The following ITPRID1 variants were observed in gnomAD, a reference collection of about 807,000 sequenced individuals.
ITPRID1 encodes ITPR interacting domain containing 1, also known as protein ITPRID1.
Under a neutral mutation model 95.4 loss-of-function variants are expected in ITPRID1, and 96 were observed. The ratio of observed to expected loss-of-function variants is 1.01; its 90% CI spans 0.85 to 1.19. The LOEUF (loss-of-function observed/expected upper bound fraction) is 1.19. Ranked by LOEUF, ITPRID1 falls within the 50% of genes most tolerant of loss-of-function variation. The pLI is 0.00. For missense variants in ITPRID1, 1,339 were observed against 1,252.9 expected (o/e 1.07, Z -1.04); for synonymous variants, 510 against 453.6 (o/e 1.12, Z -1.58).
intron 1 of ITPRID1, among the ~76,000 whole-genome samples, chr7:31,523,386 G>A (rs1297242139): frequency 1.3e-5 from 2 of 152,228 alleles, no homozygotes; most frequent in Admixed American, 1.3e-4. Context: ...AGACAAGGGT[G>A]TCACGTGAAG....
In ITPRID1 at chr7:31,531,399, G is replaced by A. The variant is rs191693945; in HGVS notation, c.-98+17279G>A. ...ATTCATGAACATGATAGAAGATTAA[G>A]AAATTAAGGAGCATATGAGGAAGTG... On this transcript the variant is annotated intron_variant, in intron 1 of 14. Transcript: ENST00000615280. Among the ~76,000 whole-genome samples the A allele has an allele frequency of 5.0e-3, 759 of 152,276 alleles. 4 individuals are homozygous for A. The highest frequency in any genetic ancestry group is 0.014 in the Middle Eastern group (4 of 292).
intron 10 of ITPRID1, among the ~76,000 whole-genome samples, chr7:31,602,261 A>AG (rs1239006847): frequency 6.6e-6 from 1 of 152,204 alleles, no homozygotes; most frequent in Non-Finnish European, 1.5e-5. Flanking sequence ...CTATACTCCC[A>AG]GGTTGGCAGC....
chr7:31,569,190 G>C (rs762913706), intron 5 of ITPRID1, among the ~76,000 whole-genome samples: 3 of 152,152 alleles, frequency 2.0e-5, no homozygotes, highest in Admixed American at 6.5e-5. Flanking sequence ...TCTGAAAAAT[G>C]AGGATAGGTT....
In ITPRID1 at chr7:31,525,577, G is replaced by C. The variant is rs570966765; in HGVS notation, c.-98+11457G>C. On this transcript the variant is annotated intron_variant, in intron 1 of 14. Coordinates refer to ENST00000615280, the MANE Select transcript of ITPRID1 (RefSeq NM_001257967.3). ...GGGGAACTCCTACACAGTAGAGGCAGCATTTGATTTGGATCTTTACTATAG... is the reference window on the plus strand; with the variant it reads ...GGGGAACTCCTACACAGTAGAGGCACCATTTGATTTGGATCTTTACTATAG... 2.0e-5 allele frequency among the ~76,000 whole-genome samples: 3 copies of C among 152,322 alleles called. No individual in the cohort carries two copies. The South Asian group carries it at 6.2e-4, about 32-fold the overall frequency.
chr7:31,609,345 CTCTTA>C (rs1308793591), intron 10 of ITPRID1, among the ~76,000 whole-genome samples: 9 of 151,580 alleles, frequency 5.9e-5, no homozygotes, highest in African/African-American at 1.7e-4. Context: ...TGTGTCCTCT[CTCTTA>C]TATCTTTTGG....
intron 1 of ITPRID1, among the ~76,000 whole-genome samples, chr7:31,532,001 G>A (rs946254520): frequency 6.6e-6 from 1 of 152,158 alleles, no homozygotes; most frequent in Non-Finnish European, 1.5e-5. Flanking sequence ...GCCTAAAAAT[G>A]GATGTCAGGG....
chr7:31,652,194 T>C (rs1231790974), intron 14 of ITPRID1, 144 bp downstream of exon 14: 1 of 742,288 alleles, frequency 1.3e-6, no homozygotes, highest in Non-Finnish European at 2.2e-6. Context: ...AGAAGTACTT[T>C]GGTTTGCTCA....
chr7:31,577,839 T>C, intron 8 of ITPRID1, 24 bp from the exon 9 acceptor site: 1 of 1,531,962 alleles, frequency 6.5e-7, no homozygotes, highest in Non-Finnish European at 8.8e-7. Context: ...AATCTGAAAC[T>C]TTCGTGTTTC....
intron 10 of ITPRID1, among the ~76,000 whole-genome samples, chr7:31,611,862 T>C (rs1786883090): frequency 1.3e-5 from 2 of 152,008 alleles, no homozygotes; most frequent in African/African-American, 4.8e-5. Context: ...CGGAGTTTGT[T>C]GAGCTTTTTG....
intron 10 of ITPRID1, among the ~76,000 whole-genome samples, chr7:31,620,005 C>T (rs1432108263): frequency 6.6e-6 from 1 of 152,192 alleles, no homozygotes; most frequent in East Asian, 1.9e-4. Context: ...TCGCTGATTG[C>T]TAGCACAGCA....
At chr7:31,553,263 G>T (rs1260208064) in intron 3 of ITPRID1, 76 bp downstream of exon 3, 23 of 1,379,418 alleles carry the variant, frequency 1.7e-5, no homozygotes, top group Non-Finnish European at 1.5e-5. Flanking sequence ...TTGGCCAGGG[G>T]CAGGTGATTT....
At position 31,643,667 on chromosome 7, in the gene ITPRID1, C is replaced by T; in HGVS notation, c.2297C>T (p.Ala766Val). The part of the protein sequence containing the change: ...QLNDASIQTS[A>V]LSNKTLTHGP... ...AATGATGCTTCCATTCAGACTTCAG[C>T]TCTAAGCAACAAGACCTTGACACAT... The change falls in exon 12 of 15, where the codon GCT becomes GTT. Residue 766 changes from alanine (A) to valine (V), a missense_variant. Coordinates refer to ENST00000615280, the MANE Select transcript of ITPRID1 (RefSeq NM_001257967.3). 6.2e-7 allele frequency: 1 copy of T among 1,614,076 alleles called. No individual in the cohort carries two copies. The highest frequency in any genetic ancestry group is 8.5e-7 in the Non-Finnish European group (1 of 1,179,908).
chr7:31,545,749 G>C (rs766729835), intron 1 of ITPRID1, among the ~76,000 whole-genome samples: 3 of 151,998 alleles, frequency 2.0e-5, no homozygotes, highest in African/African-American at 4.8e-5. Context: ...AGCCACCCAC[G>C]GAACAAGTCA....
chr7:31,519,578 A>ATCTCTC lies in ITPRID1; in HGVS notation c.-98+5496_-98+5501dup, dbSNP rs72374972. On this transcript the variant is annotated intron_variant, in intron 1 of 14. Coordinates refer to ENST00000615280, the MANE Select transcript of ITPRID1 (RefSeq NM_001257967.3). ...ATGCATATATGGTTCTATTTCTGGT[A>ATCTCTC]TCTCTCTCTCTCTCTCTCTCTCTCT... 6.7e-3 allele frequency among the ~76,000 whole-genome samples: 249 copies of ATCTCTC among 37,420 alleles called. 15 individuals carry two copies. The highest frequency in any genetic ancestry group is 0.016 in the East Asian group (8 of 516). The allele number at this position is 37,420 out of a possible 152,430, so 24.5% of individuals were successfully genotyped here. A position where few individuals can be genotyped will look rare whatever the true frequency, so the allele number is the denominator to read the frequency against.
At chr7:31,598,712 A>G (rs1786214809) in intron 10 of ITPRID1, among the ~76,000 whole-genome samples, 1 of 152,176 alleles carries the variant, frequency 6.6e-6, no homozygotes, top group South Asian at 2.1e-4. Flanking sequence ...CTAAAATAGC[A>G]AATTTCTAAA....
chr7:31,531,862 G>A (rs1783608485), intron 1 of ITPRID1, among the ~76,000 whole-genome samples: 1 of 100,218 alleles, frequency 1.0e-5, no homozygotes, highest in East Asian at 2.4e-4. Flanking sequence ...GCAGCTGTGG[G>A]GTGTGTTAGG....
chr7:31,561,932 T>A (rs1243013099), intron 5 of ITPRID1, among the ~76,000 whole-genome samples: 7 of 151,900 alleles, frequency 4.6e-5, no homozygotes, highest in Non-Finnish European at 1.0e-4. Context: ...ATTCAGAGTC[T>A]TTTTGAGGTC....
chr7:31,588,217 A>T (rs1785704667), intron 10 of ITPRID1, among the ~76,000 whole-genome samples: 1 of 152,158 alleles, frequency 6.6e-6, no homozygotes, highest in South Asian at 2.1e-4. Context: ...GTGAACAAAG[A>T]GTGGAGGGAG....
intron 10 of ITPRID1, among the ~76,000 whole-genome samples, chr7:31,590,178 C>T (rs1785804208): frequency 6.6e-6 from 1 of 152,066 alleles, no homozygotes; most frequent in African/African-American, 2.4e-5. Flanking sequence ...AAGAGATCCT[C>T]CTGCCTCTGC....
Sources: gnomAD v4.1 joint callset for allele counts (sites outside exome capture counted in the v4.1 genomes callset) on GRCh38, gnomAD v4.1.1 for gene constraint, MANE v1.5 for transcripts, NCBI Gene and HGNC (gene_info 2026-07-23, HGNC 2026-07-21) for gene names.